CHN2: variants seen among roughly 807,000 people sequenced by gnomAD.
CHN2 encodes the protein beta-chimaerin.
Under a neutral mutation model 56.3 loss-of-function variants are expected in CHN2, and 35 were observed. The observed-to-expected ratio is 0.62, with a 90% CI of 0.47 to 0.82. The LOEUF (loss-of-function observed/expected upper bound fraction) is 0.82. Among genes scored for constraint, CHN2 ranks in the 40% least tolerant of loss-of-function variants. CHN2 has a pLI of 0.00. For synonymous variants in CHN2, 210 were observed against 212.8 expected (o/e 0.99, Z 0.12); for missense variants, 491 against 580.5 (o/e 0.85, Z 1.58).
intron 6 of CHN2, among the ~76,000 whole-genome samples, chr7:29,433,158 TG>T: frequency 6.6e-6 from 1 of 152,240 alleles, no homozygotes. Context: ...CTACATGCCG[TG>T]GGGGGAGATT....
chr7:29,176,078 C>T (rs891142313), intron 2 of CHN2, among the ~76,000 whole-genome samples: 1 of 151,590 alleles, frequency 6.6e-6, no homozygotes, highest in Non-Finnish European at 1.5e-5. Flanking sequence ...CCCAGCTACT[C>T]GGGAGGCTGA....
intron 2 of CHN2, among the ~76,000 whole-genome samples, chr7:29,360,380 G>T (rs542897241): frequency 2.6e-5 from 4 of 152,070 alleles, no homozygotes; most frequent in Non-Finnish European, 5.9e-5. Context: ...AATTAGCCAG[G>T]CATGGTGGTG....
At chr7:29,472,311 A>ACACACGCACACACACACT (rs1786167081) in intron 6 of CHN2, among the ~76,000 whole-genome samples, 1 of 151,722 alleles carries the variant, frequency 6.6e-6, no homozygotes, top group Non-Finnish European at 1.5e-5. Flanking sequence ...ACACACACAC[A>ACACACGCACACACACACT]TTAGACACAG....
chr7:29,272,868 A>T (rs1368196849), intron 1 of CHN2, among the ~76,000 whole-genome samples: 1 of 152,248 alleles, frequency 6.6e-6, no homozygotes, highest in Admixed American at 6.5e-5. Flanking sequence ...TAAAATGGTT[A>T]CAATAGTAAA....
chr7:29,301,342 TACACACACACACACACACAC>T (rs10570363), intron 1 of CHN2, among the ~76,000 whole-genome samples: 75 of 141,710 alleles, frequency 5.3e-4, no homozygotes, highest in South Asian at 1.2e-3. Flanking sequence ...CTCAAACAGG[TACACACACACACACACACAC>T]ACACACACAC....
chr7:29,432,699 A>G (rs1782936942), intron 6 of CHN2, among the ~76,000 whole-genome samples: 2 of 152,240 alleles, frequency 1.3e-5, no homozygotes, highest in Admixed American at 6.5e-5. Context: ...AGAGGACAAC[A>G]GATGTAAAAT....
chr7:29,497,151 A>AG (rs1163609580), intron 8 of CHN2, among the ~76,000 whole-genome samples: 5 of 152,182 alleles, frequency 3.3e-5, no homozygotes, highest in Admixed American at 3.3e-4. Context: ...TCTATGTTTA[A>AG]GGGGTGGTCA....
At chr7:29,343,163 G>T (rs545027092) in intron 1 of CHN2, among the ~76,000 whole-genome samples, 1 of 152,322 alleles carries the variant, frequency 6.6e-6, no homozygotes, top group Non-Finnish European at 1.5e-5. Flanking sequence ...AGAAGTAGTG[G>T]TGGTGAGGTT....
chr7:29,382,297 C>G (rs1172543066), intron 3 of CHN2, among the ~76,000 whole-genome samples: 1 of 152,176 alleles, frequency 6.6e-6, no homozygotes, highest in Non-Finnish European at 1.5e-5. Flanking sequence ...TGTTCACCCT[C>G]TAAAGAATGT....
At chr7:29,224,884 G>T (rs1584788340) in intron 1 of CHN2, among the ~76,000 whole-genome samples, 1 of 152,120 alleles carries the variant, frequency 6.6e-6, no homozygotes, top group Non-Finnish European at 1.5e-5. Flanking sequence ...CTTTACCTTA[G>T]TAGAAAGGAA....
chr7:29,259,363 A>T (rs1789361323), intron 1 of CHN2, among the ~76,000 whole-genome samples: 1 of 151,728 alleles, frequency 6.6e-6, no homozygotes, highest in Admixed American at 6.6e-5. Context: ...TACAAACAAA[A>T]CCCAAAACCA....
At chr7:29,234,568 G>A (rs554040568) in intron 1 of CHN2, among the ~76,000 whole-genome samples, 20 of 152,178 alleles carry the variant, frequency 1.3e-4, no homozygotes, top group African/African-American at 3.4e-4. Flanking sequence ...TGGACAGAGC[G>A]ATCTTATGCT....
At chr7:29,471,685 G>C (rs1786057390) in intron 6 of CHN2, among the ~76,000 whole-genome samples, 1 of 152,144 alleles carries the variant, frequency 6.6e-6, no homozygotes, top group African/African-American at 2.4e-5. Flanking sequence ...CGGCGTGGCA[G>C]CTGGGCATGG....
intron 1 of CHN2, among the ~76,000 whole-genome samples, chr7:29,308,961 A>G (rs1248555773): frequency 3.9e-5 from 6 of 152,224 alleles, no homozygotes; most frequent in Non-Finnish European, 7.3e-5. Flanking sequence ...TACTATGTGC[A>G]CAAACCTGGC....
intron 1 of CHN2, among the ~76,000 whole-genome samples, chr7:29,310,039 G>A (rs572225715): frequency 6.4e-4 from 98 of 152,300 alleles, no homozygotes; most frequent in African/African-American, 2.2e-3. Context: ...TAGGTGGGGG[G>A]ACCAAGAAGC....
At chr7:29,473,482 T>TTTTTG (rs539151442) in intron 6 of CHN2, among the ~76,000 whole-genome samples, 15,681 of 117,506 alleles carry the variant, frequency 0.13, 1,439 homozygotes, top group Non-Finnish European at 0.19. Flanking sequence ...TTTTTTTTTT[T>TTTTTG]TGTGTGTGTG....
Position 29,400,697 on chromosome 7 carries a change from A to G in CHN2, c.445A>G (p.Thr149Ala), listed in dbSNP as rs768705079. ...KAAEYISKMT[T>A]NPIYEHIGYA... ...TGCCGAGTACATTTCAAAAATGACA[A>G]CTAACCCCATCTATGAACACATTGG... Residue 149 changes from threonine (T) to alanine (A), a missense_variant, in exon 6 of 13, where the codon ACT becomes GCT. By Grantham distance (58) the Thr-to-Ala change is moderately conservative. Transcript: ENST00000222792. 1.2e-6 allele frequency: 2 copies of G among 1,614,078 alleles called. No individual in the cohort carries two copies. Among genetic ancestry groups the G allele is most frequent in the African/African-American group, 2.7e-5 (2 of 74,934 alleles).
At chr7:29,200,848 C>T (rs1431497931) in intron 1 of CHN2, 1 of 152,176 alleles carries the variant, frequency 6.6e-6, no homozygotes, top group East Asian at 1.9e-4. Flanking sequence ...GCAATGGAAC[C>T]TAGGTGGCTG....
At chr7:29,192,245 T>C (rs1472475351), upstream of CHN2, 1 of 152,318 alleles carries the variant, frequency 6.6e-6, no homozygotes, top group Non-Finnish European at 1.5e-5. Flanking sequence ...TTTCTACTTC[T>C]GTACAGCACA....
Sources: gnomAD v4.1 joint callset for allele counts (sites outside exome capture counted in the v4.1 genomes callset) on GRCh38, gnomAD v4.1.1 for gene constraint, MANE v1.5 for transcripts, NCBI Gene and HGNC (gene_info 2026-07-23, HGNC 2026-07-21) for gene names.